HSPA12A: variants seen among roughly 807,000 people sequenced by gnomAD.
HSPA12A encodes heat shock protein family A (Hsp70) member 12A, also known as heat shock 70 kDa protein 12A.
HSPA12A carries 28 observed loss-of-function variants against 69.2 expected under a neutral mutation model. The observed-to-expected ratio is 0.40, with a 90% CI of 0.30 to 0.55. The LOEUF is 0.55. HSPA12A is among the 20% of genes least tolerant of loss of function. The pLI is 0.38. For synonymous variants in HSPA12A, 345 were observed against 370.5 expected, an observed-to-expected ratio of 0.93 and a Z score of 0.79; for missense variants, 686 against 900.7, an observed-to-expected ratio of 0.76 and a Z score of 3.05.
Position 116,698,714 on chromosome 10 carries a change from G to A in HSPA12A, c.467C>T (p.Thr156Met), listed in dbSNP as rs781909394. The change falls in exon 5 of 12, where the codon ACG (threonine) becomes ATG (methionine). Residue 156 changes from threonine (T) to methionine (M), a missense_variant. Transcript: ENST00000369209. ...TTTGACTTTCTTGCCATTTGCTGCC[G>A]TCAGGTCTGTATCCATGGTGAGGTC... Reference protein sequence around the residue: ...TGDLTMDTDLTAANGKKVKAL... With the variant: ...TGDLTMDTDLMAANGKKVKAL... The A allele has an allele frequency of 1.7e-5, 27 of 1,613,874 alleles. No homozygotes were observed. Among genetic ancestry groups the A allele is most frequent in the Middle Eastern group, 1.6e-4 (1 of 6,082 alleles).
chr10:116,699,568 C>T (rs1850020690), intron 4 of HSPA12A, among the ~76,000 whole-genome samples: 1 of 152,120 alleles, frequency 6.6e-6, no homozygotes, highest in East Asian at 1.9e-4. Context: ...TGAAAACGGG[C>T]ATTGAGTTAC....
intron 2 of HSPA12A, among the ~76,000 whole-genome samples, chr10:116,767,387 A>G (rs1367424366): frequency 6.6e-6 from 1 of 152,134 alleles, no homozygotes; most frequent in Non-Finnish European, 1.5e-5. Flanking sequence ...GCAGACAAGC[A>G]GCACTGTCCC....
chr10:116,761,767 A>G (rs74656746), intron 2 of HSPA12A, among the ~76,000 whole-genome samples: 8,664 of 152,100 alleles, frequency 0.057, 299 homozygotes, highest in Non-Finnish European at 0.085. Flanking sequence ...AGACCCTAAG[A>G]AGAAAGTTCA....
intron 6 of HSPA12A, among the ~76,000 whole-genome samples, chr10:116,690,491 T>C (rs934550972): frequency 1.6e-4 from 25 of 152,294 alleles, no homozygotes; most frequent in African/African-American, 5.8e-4. Context: ...AAATCAGAAC[T>C]GCAAAGGATC....
In HSPA12A at chr10:116,723,830, A is replaced by G. The variant is rs984847925; in HGVS notation, c.41-16545T>C. ...TGCTTCCAGTACCGAGCCACCTCCA[A>G]AGAGAAGGGCTGTGCTTCCAGGCCC... is the stretch of plus-strand genomic sequence containing the variant. On this transcript the variant is annotated intron_variant, in intron 1 of 11. Transcript: ENST00000369209. This position sits in a 1 kb window ranked among gnomAD's most constrained non-coding sequence, Gnocchi z 4.1. Among the ~76,000 whole-genome samples, 7 of 152,132 alleles carry G rather than the reference A, an allele frequency of 4.6e-5. No homozygotes were observed. The highest frequency in any genetic ancestry group is 8.8e-5 in the Non-Finnish European group (6 of 68,006).
In HSPA12A at chr10:116,781,234, A is replaced by C. The variant is rs558151110; in HGVS notation, c.91+53701T>G. 2.9e-4 allele frequency among the ~76,000 whole-genome samples: 44 copies of C among 152,174 alleles called. 1 individual carries two copies. In the South Asian group the frequency reaches 8.9e-3, roughly 31 times the overall value. ...AAGATCTCTTGAGCCCAGGAGGCCG[A>C]GGGTGCAGTGAAACTTGCACTGCAG... On this transcript the variant is annotated intron_variant, in intron 2 of 12. Transcript: ENST00000635765.
In HSPA12A at chr10:116,813,093, C is replaced by T. The variant is rs113900223; in HGVS notation, c.91+21842G>A. On this transcript the variant is annotated intron_variant, in intron 2 of 12. Transcript: ENST00000635765. Reference sequence around the variant, plus strand: ...TCCAGGACCTGCCACAGGGGAGATGCCCTGATGAACTCTCTGGGTTCGAGT... The same window carrying T: ...TCCAGGACCTGCCACAGGGGAGATGTCCTGATGAACTCTCTGGGTTCGAGT... Among the ~76,000 whole-genome samples, 1,515 of 152,110 alleles carry T rather than the reference C, an allele frequency of 1.0e-2. 19 individuals are homozygous for T. Among genetic ancestry groups the T allele is most frequent in the African/African-American group, 0.031 (1,300 of 41,486 alleles).
rs1849389873 is a variant in HSPA12A, at chr10:116,681,177, G to A, written c.1002C>T (p.His334=). Residue 334 remains histidine (H), a synonymous_variant, in exon 9 of 12, where the codon CAC becomes CAT. Coordinates refer to ENST00000369209, the MANE Select transcript of HSPA12A (RefSeq NM_025015.3). ...TVHQIRLPEG[H]LKELYKATGG... ...CTGTTGCTTTATACAGTTCCTTAAGGTGTCCCTCCGGTAACCGGATCTGAT... is the reference window on the plus strand; with the variant it reads ...CTGTTGCTTTATACAGTTCCTTAAGATGTCCCTCCGGTAACCGGATCTGAT... 6.2e-7 allele frequency: 1 copy of A among 1,613,780 alleles called. No homozygotes were observed. Among genetic ancestry groups the A allele is most frequent in the Non-Finnish European group, 8.5e-7 (1 of 1,179,828 alleles).
intron 1 of HSPA12A, among the ~76,000 whole-genome samples, chr10:116,845,599 A>G (rs942521225): frequency 1.9e-4 from 29 of 152,086 alleles, no homozygotes; most frequent in African/African-American, 7.0e-4. Context: ...AAATCTCCTG[A>G]GCCTCTTCTT....
chr10:116,813,245 C>CTTTTTTTTTT (rs1845229706), intron 2 of HSPA12A, among the ~76,000 whole-genome samples: 1 of 12,788 alleles, frequency 7.8e-5, no homozygotes. Context: ...ATCCAGAGCT[C>CTTTTTTTTTT]TATTTTTTTT....
chr10:116,760,844 T>C (rs1299604525), intron 2 of HSPA12A, among the ~76,000 whole-genome samples: 1 of 152,178 alleles, frequency 6.6e-6, no homozygotes, highest in Non-Finnish European at 1.5e-5. Context: ...CAAATGGTAT[T>C]AAAGTATAAG....
chr10:116,701,055 T>G lies in HSPA12A; in HGVS notation c.329A>C (p.Lys110Thr), dbSNP rs202076805. Residue 110 changes from lysine (K) to threonine (T), a missense_variant, in exon 4 of 12, where the codon AAG becomes ACG. Transcript: ENST00000369209. ...PTTILLTPER[K>T]FHSFGYAARD... ...GGCGGCATACCCGAAGCTGTGGAACTTCCTCTCGGGAGTCAGCAAGATGGT... is the reference window on the plus strand; with the variant it reads ...GGCGGCATACCCGAAGCTGTGGAACGTCCTCTCGGGAGTCAGCAAGATGGT... The G allele has an allele frequency of 3.8e-5, 61 of 1,614,026 alleles. No individual in the cohort carries two copies. Among genetic ancestry groups the G allele is most frequent in the Non-Finnish European group, 2.5e-6 (3 of 1,180,048 alleles).
intron 2 of HSPA12A, chr10:116,830,401 T>G (rs931368871): frequency 3.9e-5 from 6 of 152,184 alleles, no homozygotes. Context: ...ATATGTGAAT[T>G]TATGCACATA....
chr10:116,821,360 GCTC>G (rs1845406732), intron 2 of HSPA12A, among the ~76,000 whole-genome samples: 1 of 152,074 alleles, frequency 6.6e-6, no homozygotes, highest in South Asian at 2.1e-4. Context: ...GGCCTGGGAT[GCTC>G]CTCCATTGGA....
At chr10:116,823,257 A>T (rs1171892861) in intron 2 of HSPA12A, among the ~76,000 whole-genome samples, 1 of 152,254 alleles carries the variant, frequency 6.6e-6, no homozygotes, top group African/African-American at 2.4e-5. Context: ...AAAAGCAGTG[A>T]AAAATTTATT....
chr10:116,721,440 A>G (rs1246653996), intron 1 of HSPA12A, among the ~76,000 whole-genome samples: 2 of 152,206 alleles, frequency 1.3e-5, no homozygotes, highest in Non-Finnish European at 2.9e-5. Context: ...TGAGGCCAGC[A>G]GGGTGCCCCC....
chr10:116,708,640 C>T (rs149359524), intron 1 of HSPA12A, among the ~76,000 whole-genome samples: 170 of 152,324 alleles, frequency 1.1e-3, no homozygotes, highest in Non-Finnish European at 1.9e-3. Flanking sequence ...AGCCTCTCTC[C>T]GCCTGATGAG....
At chr10:116,820,411 G>C (rs1845390327) in intron 2 of HSPA12A, among the ~76,000 whole-genome samples, 1 of 152,094 alleles carries the variant, frequency 6.6e-6, no homozygotes, top group Non-Finnish European at 1.5e-5. Context: ...CGGTTACACT[G>C]ATCCTGTGGG....
intron 3 of HSPA12A, among the ~76,000 whole-genome samples, chr10:116,703,881 C>T (rs1941339344): frequency 6.6e-6 from 1 of 152,236 alleles, no homozygotes; most frequent in Admixed American, 6.5e-5. Flanking sequence ...GGCTGAGATT[C>T]CCCTCATGCT....
Sources: allele counts gnomAD v4.1 joint callset (sites outside exome capture counted in the v4.1 genomes callset), GRCh38; gene constraint gnomAD v4.1.1; non-coding constraint Gnocchi (gnomAD v3.1); transcripts MANE v1.5; gene names NCBI Gene and HGNC (gene_info 2026-07-23, HGNC 2026-07-21).